EPHA6: variants seen among roughly 807,000 people sequenced by gnomAD.
The protein encoded by EPHA6 is EPH receptor A6.
A neutral mutation model predicts 112.0 loss-of-function variants in EPHA6; 50 were observed. The observed-to-expected ratio is 0.45, with a 90% CI of 0.36 to 0.56. EPHA6 has a LOEUF of 0.56. EPHA6 is among the 20% of genes least tolerant of loss of function. The probability of loss-of-function intolerance (pLI) is 0.00; values close to 1 mark genes in which losing one functional copy is unlikely to be tolerated. For synonymous variants in EPHA6, 529 were observed against 490.7 expected, an observed-to-expected ratio of 1.08 and a Z score of -1.03; for missense variants, 1,280 against 1,417.4, an observed-to-expected ratio of 0.90 and a Z score of 1.56.
At chr3:97,610,976 T>C in intron 13 of EPHA6, 122 bp downstream of exon 13, 1 of 794,690 alleles carries the variant, frequency 1.3e-6, no homozygotes, top group Non-Finnish European at 2.0e-6. Flanking sequence ...AATAGCAGTG[T>C]TTTCTCTAGG....
chr3:97,610,659 A>G (rs1265504175), intron 12 of EPHA6, 134 bp from the exon 13 acceptor site: 1 of 707,636 alleles, frequency 1.4e-6, no homozygotes, highest in African/African-American at 1.8e-5. Context: ...ATACGTTTAT[A>G]GAAGCAGGCT....
intron 1 of EPHA6, among the ~76,000 whole-genome samples, chr3:96,829,949 G>GCGCGCACA (rs373416797): frequency 1.7e-4 from 23 of 136,068 alleles, no homozygotes; most frequent in Non-Finnish European, 2.5e-4. Flanking sequence ...GCGCGCGCGC[G>GCGCGCACA]CACACACACA....
intron 1 of EPHA6, among the ~76,000 whole-genome samples, chr3:96,837,167 G>A (rs1559761036): frequency 6.6e-6 from 1 of 152,096 alleles, no homozygotes; most frequent in Non-Finnish European, 1.5e-5. Context: ...GCATTCTCAA[G>A]TTATATCCTA....
At chr3:97,612,537 T>C in intron 13 of EPHA6, 1 of 249,062 alleles carries the variant, frequency 4.0e-6, no homozygotes, top group Non-Finnish European at 8.4e-6. Flanking sequence ...ATGAATCCAT[T>C]AAATGTTTTA....
intron 14 of EPHA6, among the ~76,000 whole-genome samples, chr3:97,638,942 A>G (rs913431277): frequency 6.6e-6 from 1 of 152,098 alleles, no homozygotes; most frequent in Non-Finnish European, 1.5e-5. Flanking sequence ...AAAAGATGCA[A>G]CTTCATTATT....
At chr3:97,152,980 G>A (rs903399375) in intron 3 of EPHA6, among the ~76,000 whole-genome samples, 4 of 151,966 alleles carry the variant, frequency 2.6e-5, no homozygotes, top group African/African-American at 9.7e-5. Flanking sequence ...AGTTAAAAGG[G>A]TCATTATCAT....
chr3:97,225,546 A>T (rs1355712876), intron 3 of EPHA6, among the ~76,000 whole-genome samples: 13 of 152,292 alleles, frequency 8.5e-5, no homozygotes, highest in Admixed American at 8.5e-4. Context: ...GAGTGACTAT[A>T]TACTATTTAT....
Position 97,713,706 on chromosome 3 carries a change from G to A in EPHA6, c.2785-6555G>A, listed in dbSNP as rs143316347. On this transcript the variant is annotated intron_variant, in intron 14 of 17. Coordinates refer to ENST00000389672, the MANE Select transcript of EPHA6 (RefSeq NM_001080448.3). ...CTACATGTGTATTTCAAGGACAAGC[G>A]TTTCATAGCTTACCTAGTGTGCCAT... 8.1e-3 allele frequency among the ~76,000 whole-genome samples: 1,232 copies of A among 152,230 alleles called. 10 individuals are homozygous for A. The highest frequency in any genetic ancestry group is 0.01 in the Non-Finnish European group (714 of 68,018).
At chr3:97,709,551 G>A (rs2107759732) in intron 14 of EPHA6, among the ~76,000 whole-genome samples, 1 of 152,322 alleles carries the variant, frequency 6.6e-6, no homozygotes, top group South Asian at 2.1e-4. Context: ...AGTTAATGCT[G>A]GAATGAGTTA....
intron 5 of EPHA6, among the ~76,000 whole-genome samples, chr3:97,365,867 G>A (rs2108957742): frequency 6.6e-6 from 1 of 152,146 alleles, no homozygotes; most frequent in African/African-American, 2.4e-5. Flanking sequence ...TCATCCCTAG[G>A]TTAAGGGGTT....
chr3:96,979,126 G>T (rs1203484962), intron 2 of EPHA6, among the ~76,000 whole-genome samples: 1 of 151,916 alleles, frequency 6.6e-6, no homozygotes, highest in Non-Finnish European at 1.5e-5. Context: ...TGTTACATAT[G>T]TATATATGTG....
At chr3:97,743,594 G>A (rs1273954564) in intron 16 of EPHA6, among the ~76,000 whole-genome samples, 5 of 151,996 alleles carry the variant, frequency 3.3e-5, no homozygotes, top group African/African-American at 4.8e-5. Flanking sequence ...GCTGAAACAT[G>A]GGATACATTC....
At chr3:97,742,452 T>C (rs2035544836) in intron 16 of EPHA6, among the ~76,000 whole-genome samples, 1 of 152,202 alleles carries the variant, frequency 6.6e-6, no homozygotes, top group African/African-American at 2.4e-5. Flanking sequence ...TGTTCAAACA[T>C]ATCTACAACT....
chr3:97,074,969 C>G (rs1261055956), intron 3 of EPHA6, among the ~76,000 whole-genome samples: 1 of 151,902 alleles, frequency 6.6e-6, no homozygotes, highest in African/African-American at 2.4e-5. Context: ...CTCAATGGTA[C>G]CGTGTTATCA....
chr3:97,232,507 A>C (rs888835548), intron 4 of EPHA6, among the ~76,000 whole-genome samples: 1 of 152,184 alleles, frequency 6.6e-6, no homozygotes, highest in Admixed American at 6.5e-5. Flanking sequence ...TTCACAAAAT[A>C]TATTAAGTCC....
intron 7 of EPHA6, among the ~76,000 whole-genome samples, chr3:97,461,172 A>C (rs2090875530): frequency 6.6e-6 from 1 of 152,150 alleles, no homozygotes; most frequent in South Asian, 2.1e-4. Context: ...GAACTTATAC[A>C]AGCAGAAAGA....
At chr3:97,375,453 C>T (rs2085296138) in intron 5 of EPHA6, among the ~76,000 whole-genome samples, 1 of 152,086 alleles carries the variant, frequency 6.6e-6, no homozygotes, top group Non-Finnish European at 1.5e-5. Context: ...ATGGCAAAAG[C>T]TATTGAGCAT....
At chr3:96,881,869 G>A (rs1033654171) in intron 2 of EPHA6, among the ~76,000 whole-genome samples, 4 of 152,172 alleles carry the variant, frequency 2.6e-5, no homozygotes, top group Non-Finnish European at 5.9e-5. Flanking sequence ...CCAAAATCCA[G>A]CAGGGCAGTC....
Position 97,011,964 on chromosome 3 carries a change from A to G in EPHA6, c.1114+23971A>G, listed in dbSNP as rs138859142. ...GGGATAATGGCTTGCTGCCTTATCC[A>G]TGTTGCAGCGAAGAACATTATTTCT... On this transcript the variant is annotated intron_variant, in intron 3 of 17. Transcript: ENST00000389672. Among the ~76,000 whole-genome samples the G allele has an allele frequency of 1.4e-4, 21 of 152,226 alleles. No individual in the cohort carries two copies. The East Asian group carries it at 4.1e-3, about 29-fold the overall frequency.
Sources: allele counts gnomAD v4.1 joint callset (sites outside exome capture counted in the v4.1 genomes callset), GRCh38; gene constraint gnomAD v4.1.1; transcripts MANE v1.5; gene names NCBI Gene and HGNC (gene_info 2026-07-23, HGNC 2026-07-21).